VWC2: variants seen among roughly 807,000 people sequenced by gnomAD.
VWC2 encodes the protein brorin.
In VWC2, 14 loss-of-function variants were observed where a neutral mutation model predicts 29.8. The observed-to-expected ratio is 0.47, with a 90% CI of 0.31 to 0.74. The LOEUF (loss-of-function observed/expected upper bound fraction) is 0.74, where lower values mean the gene tolerates loss of function less well. Among genes scored for constraint, VWC2 ranks in the 30% least tolerant of loss-of-function variants. The pLI is 0.05. For synonymous variants in VWC2, 213 were observed against 199.0 expected, an observed-to-expected ratio of 1.07 and a Z score of -0.59; for missense variants, 457 against 459.8, an observed-to-expected ratio of 0.99 and a Z score of 0.05.
intron 2 of VWC2, among the ~76,000 whole-genome samples, chr7:49,799,973 C>T (rs558144497): frequency 6.6e-6 from 1 of 152,290 alleles, no homozygotes; most frequent in African/African-American, 2.4e-5. Flanking sequence ...GGGACCACGT[C>T]GTATATGCAG....
At chr7:49,847,865 C>A (rs943477583) in intron 3 of VWC2, among the ~76,000 whole-genome samples, 1 of 152,124 alleles carries the variant, frequency 6.6e-6, no homozygotes, top group Non-Finnish European at 1.5e-5. Flanking sequence ...GGGATGTGAG[C>A]TCTGATTGGG....
chr7:49,858,646 T>C (rs1236932754), intron 3 of VWC2, among the ~76,000 whole-genome samples: 1 of 151,812 alleles, frequency 6.6e-6, no homozygotes, highest in Non-Finnish European at 1.5e-5. Context: ...ACGGCACATG[T>C]ATATATATGT....
At chr7:49,896,413 A>C (rs1583778672) in intron 3 of VWC2, among the ~76,000 whole-genome samples, 3 of 152,332 alleles carry the variant, frequency 2.0e-5, no homozygotes, top group Admixed American at 2.0e-4. Context: ...AAACATATGG[A>C]ATGAAATGCT....
chr7:49,777,813 G>A (rs772748563), intron 2 of VWC2, among the ~76,000 whole-genome samples: 2 of 152,180 alleles, frequency 1.3e-5, no homozygotes, highest in South Asian at 2.1e-4. Flanking sequence ...ACCTGTGGGT[G>A]CTAGAAGAGC....
intron 3 of VWC2, among the ~76,000 whole-genome samples, chr7:49,858,830 C>T (rs1389590959): frequency 6.6e-6 from 1 of 152,102 alleles, no homozygotes; most frequent in Non-Finnish European, 1.5e-5. Flanking sequence ...TTATAAAATT[C>T]ATACAGATGG....
intron 3 of VWC2, among the ~76,000 whole-genome samples, chr7:49,841,064 C>G (rs1054680330): frequency 7.2e-5 from 11 of 152,158 alleles, no homozygotes; most frequent in Non-Finnish European, 1.6e-4. Flanking sequence ...TATTTGGATT[C>G]CAGAGGAATG....
intron 1 of VWC2, 149 bp downstream of exon 1, chr7:49,774,262 C>G (rs934771240): frequency 1.3e-5 from 2 of 152,694 alleles, no homozygotes; most frequent in African/African-American, 4.8e-5. Flanking sequence ...GCGCTTCGCC[C>G]AGTGTTGAGG....
chr7:49,830,432 C>T (rs1032503749), intron 3 of VWC2, among the ~76,000 whole-genome samples: 25 of 152,004 alleles, frequency 1.6e-4, no homozygotes, highest in Admixed American at 1.3e-4. Context: ...GTTAATTCAC[C>T]TTGTATTATT....
Position 49,915,424 on chromosome 7 carries a change from A to G in VWC2, c.*3239A>G, listed in dbSNP as rs953936915. 5.3e-5 allele frequency: 8 copies of G among 152,248 alleles called. No homozygotes were observed. The highest frequency in any genetic ancestry group is 1.9e-4 in the African/African-American group (8 of 41,472). The allele number at this position is 152,248 out of a possible 1,614,324, so 9.4% of individuals were successfully genotyped here. A position where few individuals can be genotyped will look rare whatever the true frequency, so the allele number is the denominator to read the frequency against. On this transcript the variant is annotated 3_prime_UTR_variant, in exon 4 of 4. Coordinates refer to ENST00000340652, the MANE Select transcript of VWC2 (RefSeq NM_198570.5). ...GTAAAACATGCTAAGAAGAATTATCATGCAGTTTTAAGTTCATAACATCAA... is the reference window on the plus strand; with the variant it reads ...GTAAAACATGCTAAGAAGAATTATCGTGCAGTTTTAAGTTCATAACATCAA...
intron 3 of VWC2, among the ~76,000 whole-genome samples, chr7:49,852,596 G>T (rs1266079356): frequency 6.6e-6 from 1 of 152,050 alleles, no homozygotes; most frequent in African/African-American, 2.4e-5. Context: ...GTGGCTTTTT[G>T]AGAAGTGATG....
chr7:49,895,577 T>G (rs1792345076), intron 3 of VWC2, among the ~76,000 whole-genome samples: 1 of 152,174 alleles, frequency 6.6e-6, no homozygotes, highest in Admixed American at 6.5e-5. Flanking sequence ...CTATAGCAAT[T>G]TCAAAATTAA....
intron 3 of VWC2, among the ~76,000 whole-genome samples, chr7:49,901,758 C>T (rs76122534): frequency 0.03 from 4,551 of 151,324 alleles, 185 homozygotes; most frequent in South Asian, 0.13. Flanking sequence ...AAAAACGTAG[C>T]TGAACTTAAT....
chr7:49,798,514 A>ACAT (rs1216933006), intron 2 of VWC2, among the ~76,000 whole-genome samples: 1 of 152,214 alleles, frequency 6.6e-6, no homozygotes, highest in Non-Finnish European at 1.5e-5. Flanking sequence ...AGGCACTAGC[A>ACAT]CATTGTCCTG....
intron 3 of VWC2, among the ~76,000 whole-genome samples, chr7:49,907,990 A>C (rs1475310338): frequency 6.6e-6 from 1 of 152,178 alleles, no homozygotes; most frequent in South Asian, 2.1e-4. Context: ...CTGGAAAGGG[A>C]AGGGGATTGT....
intron 3 of VWC2, among the ~76,000 whole-genome samples, chr7:49,883,068 G>C (rs191385028): frequency 6.2e-4 from 94 of 152,180 alleles, no homozygotes; most frequent in African/African-American, 2.2e-3. Flanking sequence ...CTTTGAGACA[G>C]AGAAGCCAAG....
At chr7:49,802,198 C>T (rs528213698) in intron 2 of VWC2, among the ~76,000 whole-genome samples, 1 of 152,324 alleles carries the variant, frequency 6.6e-6, no homozygotes, top group Admixed American at 6.5e-5. Context: ...AACATCATAG[C>T]CCTGTGGCCC....
At chr7:49,806,610 A>G (rs940941063) in intron 3 of VWC2, among the ~76,000 whole-genome samples, 32 of 152,350 alleles carry the variant, frequency 2.1e-4, no homozygotes, top group African/African-American at 7.2e-4. Flanking sequence ...AAAATATGTA[A>G]GAAGCACTGA....
rs562983145 is a variant in VWC2, at chr7:49,775,861, C to G, written c.426C>G (p.Pro142=). The change falls in exon 2 of 4, where the codon CCC becomes CCG. Residue 142 remains proline, a synonymous_variant. Transcript: ENST00000340652. ...AACTCGCGCCCACGCCCGAGCCACC[C>G]GAGGAGTACGTGTACCCGGACTACC... is the stretch of plus-strand genomic sequence containing the variant. ...GPELAPTPEP[P]EEYVYPDYRG... is the part of the protein sequence containing the mutation. The G allele has an allele frequency of 1.9e-5, 29 of 1,555,172 alleles. No homozygotes were observed. The African/African-American group carries it at 2.0e-4, about 11-fold the overall frequency.
chr7:49,836,433 A>T (rs1046992914), intron 3 of VWC2, among the ~76,000 whole-genome samples: 1 of 150,252 alleles, frequency 6.7e-6, no homozygotes, highest in Admixed American at 6.7e-5. Flanking sequence ...GTTCAAAACC[A>T]GTCTGGCCAA....
Sources: allele counts gnomAD v4.1 joint callset (sites outside exome capture counted in the v4.1 genomes callset), GRCh38; gene constraint gnomAD v4.1.1; transcripts MANE v1.5; gene names NCBI Gene and HGNC (gene_info 2026-07-23, HGNC 2026-07-21).